The following CSMD1 variants were observed in gnomAD, a reference collection of about 807,000 sequenced individuals.
The protein encoded by CSMD1 is CUB and sushi domain-containing protein 1.
Under a neutral mutation model 417.5 loss-of-function variants are expected in CSMD1, and 213 were observed. That is an observed-to-expected ratio of 0.51 (90% CI 0.46 to 0.57). The LOEUF is 0.57. CSMD1 is among the 20% of genes least tolerant of loss of function. The pLI, the probability that CSMD1 is intolerant of heterozygous loss-of-function variation, is 0.00. For synonymous variants in CSMD1, 2,862 were observed against 1,736.8 expected (o/e 1.65, Z -16.11); for missense variants, 6,923 against 4,529.7 (o/e 1.53, Z -15.17).
In CSMD1 at chr8:3,475,405, C is replaced by T. The variant is rs1817348840; in HGVS notation, c.1449-6581G>A. 2.0e-5 allele frequency among the ~76,000 whole-genome samples: 3 copies of T among 152,096 alleles called. No individual in the cohort carries two copies. In the South Asian group the frequency reaches 6.2e-4, roughly 32 times the overall value. ...ATTAACCTACACTGTATTCATTATA[C>T]AGCTACATGTTTAAATTTTATAGGA... is the stretch of plus-strand genomic sequence containing the variant. On this transcript the variant is annotated intron_variant, in intron 11 of 69. Transcript: ENST00000635120.
intron 3 of CSMD1, among the ~76,000 whole-genome samples, chr8:4,306,174 C>A (rs925481554): frequency 6.6e-6 from 1 of 152,254 alleles, no homozygotes; most frequent in East Asian, 1.9e-4. Flanking sequence ...TTAAAACACG[C>A]TGAAGTTGTC....
intron 42 of CSMD1, 51 bp from the exon 43 acceptor site, chr8:3,110,386 G>C: frequency 6.9e-7 from 1 of 1,446,132 alleles, no homozygotes; most frequent in Non-Finnish European, 9.2e-7. Context: ...ATTTTAGAGA[G>C]TAGAAAGCTA....
At chr8:4,979,785 C>G (rs374045099) in intron 1 of CSMD1, among the ~76,000 whole-genome samples, 1 of 152,176 alleles carries the variant, frequency 6.6e-6, no homozygotes, top group Admixed American at 6.5e-5. Context: ...CGCCTGTAAT[C>G]CCAGCACTTT....
chr8:4,885,874 A>C (rs989643759), intron 1 of CSMD1, among the ~76,000 whole-genome samples: 1 of 152,130 alleles, frequency 6.6e-6, no homozygotes, highest in East Asian at 1.9e-4. Context: ...CAAAACAAAA[A>C]AATCAACACT....
intron 7 of CSMD1, among the ~76,000 whole-genome samples, chr8:3,635,070 A>T (rs75775520): frequency 6.6e-6 from 1 of 152,152 alleles, no homozygotes; most frequent in Admixed American, 6.5e-5. Context: ...TGGGATGCCT[A>T]TATAAGATAC....
chr8:3,491,083 A>G (rs1818346128), intron 11 of CSMD1, among the ~76,000 whole-genome samples: 1 of 152,216 alleles, frequency 6.6e-6, no homozygotes, highest in Non-Finnish European at 1.5e-5. Context: ...AAGTATGCCA[A>G]TGTCTACATA....
intron 26 of CSMD1, among the ~76,000 whole-genome samples, chr8:3,254,952 T>A (rs1188019709): frequency 6.6e-6 from 1 of 152,150 alleles, no homozygotes; most frequent in Non-Finnish European, 1.5e-5. Context: ...GTGCTCTGAT[T>A]TTTAGAGTTT....
intron 5 of CSMD1, among the ~76,000 whole-genome samples, chr8:3,861,711 C>G (rs571964165): frequency 1.3e-5 from 2 of 151,988 alleles, no homozygotes; most frequent in Non-Finnish European, 2.9e-5. Context: ...GGTTTTTATT[C>G]GTTTTGTGTT....
intron 3 of CSMD1, among the ~76,000 whole-genome samples, chr8:4,206,201 C>A (rs1314522907): frequency 6.6e-6 from 1 of 152,032 alleles, no homozygotes. Context: ...ATTTCTTTTT[C>A]TTTTTTTAAA....
intron 7 of CSMD1, 120 bp downstream of exon 7, chr8:3,708,294 A>G: frequency 4.0e-6 from 3 of 749,536 alleles, no homozygotes; most frequent in Middle Eastern, 2.4e-4. Context: ...TTTTGGATAT[A>G]GAAAAGAAGG....
chr8:4,028,270 G>C (rs893929920), intron 4 of CSMD1, among the ~76,000 whole-genome samples: 2 of 152,070 alleles, frequency 1.3e-5, no homozygotes, highest in Non-Finnish European at 2.9e-5. Context: ...CAAATACCTT[G>C]AGCAAGTCAC....
chr8:3,665,521 T>G lies in CSMD1; in HGVS notation c.1009+42893A>C, dbSNP rs973603682. On this transcript the variant is annotated intron_variant, in intron 7 of 69. Coordinates refer to ENST00000635120, the MANE Select transcript of CSMD1 (RefSeq NM_033225.6). ...TCCAGCCTGGGCGACAGAGCGAGAC[T>G]CCATCTCAAAGATATATATATTTGT... Among the ~76,000 whole-genome samples, 5 of 152,108 alleles carry G rather than the reference T, an allele frequency of 3.3e-5. No homozygotes were observed. The South Asian group carries it at 1.0e-3, about 32-fold the overall frequency.
At chr8:3,647,401 T>A (rs967880567) in intron 7 of CSMD1, among the ~76,000 whole-genome samples, 4 of 134,240 alleles carry the variant, frequency 3.0e-5, no homozygotes, top group African/African-American at 1.1e-4. Context: ...TAAAGAGAAA[T>A]AGAACACAAA....
At chr8:4,975,768 C>A (rs192772471) in intron 1 of CSMD1, among the ~76,000 whole-genome samples, 2 of 152,144 alleles carry the variant, frequency 1.3e-5, no homozygotes. Context: ...TCCATAATAA[C>A]CACTATGACC....
intron 12 of CSMD1, among the ~76,000 whole-genome samples, chr8:3,452,166 T>C (rs1036506416): frequency 6.6e-6 from 1 of 152,260 alleles, no homozygotes; most frequent in Non-Finnish European, 1.5e-5. Flanking sequence ...ACACTGATTT[T>C]GTATCCTGAG....
At chr8:4,750,258 C>T (rs142587282) in intron 1 of CSMD1, among the ~76,000 whole-genome samples, 14,755 of 152,154 alleles carry the variant, frequency 0.097, 737 homozygotes, top group Non-Finnish European at 0.11. Flanking sequence ...CCGCCCGCCT[C>T]GGCCTCCCAC....
chr8:3,660,104 G>A (rs917489286), intron 7 of CSMD1, among the ~76,000 whole-genome samples: 2 of 152,172 alleles, frequency 1.3e-5, no homozygotes, highest in East Asian at 1.9e-4. Context: ...GATGTATGTG[G>A]CTGACATTTT....
At chr8:3,888,745 C>T (rs1272426735) in intron 5 of CSMD1, among the ~76,000 whole-genome samples, 3 of 152,130 alleles carry the variant, frequency 2.0e-5, no homozygotes, top group African/African-American at 7.2e-5. Flanking sequence ...GTCTCTGGGA[C>T]AACAAACCGA....
At chr8:3,751,328 A>ATGTGTGTGTGTG (rs1563339989) in intron 6 of CSMD1, among the ~76,000 whole-genome samples, 3 of 125,656 alleles carry the variant, frequency 2.4e-5, no homozygotes, top group Non-Finnish European at 3.5e-5. Context: ...GTGTGTGTGT[A>ATGTGTGTGTGTG]TATATATATA....
Sources: allele counts gnomAD v4.1 joint callset (sites outside exome capture counted in the v4.1 genomes callset), GRCh38; gene constraint gnomAD v4.1.1; transcripts MANE v1.5; gene names NCBI Gene and HGNC (gene_info 2026-07-23, HGNC 2026-07-21).